FNDC1: variants seen among roughly 807,000 people sequenced by gnomAD.
FNDC1 encodes fibronectin type III domain containing 1.
In FNDC1, 96 loss-of-function variants were observed where a neutral mutation model predicts 168.0. That is an observed-to-expected ratio of 0.57 (90% CI 0.48 to 0.68). The LOEUF (loss-of-function observed/expected upper bound fraction) is 0.68, where lower values mean the gene tolerates loss of function less well. Among genes scored for constraint, FNDC1 ranks in the 30% least tolerant of loss-of-function variants. The probability of loss-of-function intolerance (pLI) is 0.00; values close to 1 mark genes in which losing one functional copy is unlikely to be tolerated. For missense variants in FNDC1, 2,587 were observed against 2,482.1 expected, an observed-to-expected ratio of 1.04 and a Z score of -0.90; for synonymous variants, 1,099 against 1,025.9, an observed-to-expected ratio of 1.07 and a Z score of -1.36.
intron 18 of FNDC1, among the ~76,000 whole-genome samples, chr6:159,257,364 A>T (rs1446628103): frequency 1.3e-5 from 2 of 152,140 alleles, no homozygotes; most frequent in Non-Finnish European, 2.9e-5. Context: ...GCATTTGCCA[A>T]TTTCTATGGT....
intron 18 of FNDC1, among the ~76,000 whole-genome samples, chr6:159,259,861 G>A (rs1269012486): frequency 2.0e-5 from 3 of 152,180 alleles, no homozygotes; most frequent in Non-Finnish European, 4.4e-5. Flanking sequence ...TTACCCAATG[G>A]CTTTTCTTTG....
Position 159,232,495 on chromosome 6 carries a change from C to T in FNDC1, c.1983C>T (p.Gly661=). 6.2e-7 allele frequency: 1 copy of T among 1,612,380 alleles called. No homozygotes were observed. The highest frequency in any genetic ancestry group is 8.5e-7 in the Non-Finnish European group (1 of 1,179,270). ...CTGTGGGCTCCCTCCACCCCAAGGG[C>T]GCCTTCGCCCAGCCCCGGCCAGCCC... ...ERAVGSLHPK[G]AFAQPRPALS... Residue 661 remains glycine, a synonymous_variant, in exon 11 of 23, where the codon GGC becomes GGT. Transcript: ENST00000297267. This position sits in a 1 kb window ranked among gnomAD's most constrained non-coding sequence, Gnocchi z 4.9.
At position 159,266,686 on chromosome 6, in the gene FNDC1, T is replaced by G. The variant is rs866931159; in HGVS notation, c.5446+441T>G. Reference sequence around the variant, plus strand: ...ATTCTATTAGAAATCTAGGGTTTTTTTTTTTTTTTTTTGCCACTAATACAA... The same window carrying G: ...ATTCTATTAGAAATCTAGGGTTTTTGTTTTTTTTTTTTGCCACTAATACAA... On this transcript the variant is annotated intron_variant, in intron 21 of 22. Transcript: ENST00000297267. Among the ~76,000 whole-genome samples the G allele has an allele frequency of 9.7e-3, 1,222 of 125,708 alleles. 11 individuals carry two copies. Among genetic ancestry groups the G allele is most frequent in the Non-Finnish European group, 0.013 (811 of 61,516 alleles). 82.5% of individuals were successfully genotyped at this position (125,708 alleles called of 152,430 possible).
At chr6:159,170,767 G>C in intron 1 of FNDC1, among the ~76,000 whole-genome samples, 1 of 152,136 alleles carries the variant, frequency 6.6e-6, no homozygotes, top group East Asian at 1.9e-4. Context: ...AGGTTTATGC[G>C]AGGTATTCTG....
In FNDC1 at chr6:159,271,479, G is replaced by A. The variant is rs773867501; in HGVS notation, c.*37G>A. ...TCATGCTGCAAGCTTGCCCTGCCCA[G>A]CCCCACCAACTAAGTCGCACTAGGG... is the stretch of plus-strand genomic sequence containing the variant. On this transcript the variant is annotated 3_prime_UTR_variant, in exon 23 of 23. Coordinates refer to ENST00000297267, the MANE Select transcript of FNDC1 (RefSeq NM_032532.3). 4 of 1,505,936 alleles carry A rather than the reference G, an allele frequency of 2.7e-6. No homozygotes were observed. In the South Asian group the frequency reaches 3.6e-5, roughly 13 times the overall value. 93.3% of individuals were successfully genotyped at this position (1,505,936 alleles called of 1,614,324 possible). A position where few individuals can be genotyped will look rare whatever the true frequency, so the allele number is the denominator to read the frequency against.
At chr6:159,269,526 C>CCATCCATCCATT (rs1777690851) in intron 22 of FNDC1, among the ~76,000 whole-genome samples, 1 of 147,470 alleles carries the variant, frequency 6.8e-6, no homozygotes, top group African/African-American at 2.5e-5. Context: ...ATCCATCCAT[C>CCATCCATCCATT]CATCCATCCA....
intron 1 of FNDC1, among the ~76,000 whole-genome samples, chr6:159,177,617 T>G (rs927556397): frequency 7.9e-5 from 12 of 152,108 alleles, no homozygotes; most frequent in Non-Finnish European, 1.6e-4. Context: ...CTGTGAAATT[T>G]ATGGGTGCTC....
Position 159,269,494 on chromosome 6 carries a change from C to CCA in FNDC1, c.5569+1568_5569+1569insCA, listed in dbSNP as rs1562316065. ...TCTATCTATCTATCTATCTATCTAT[C>CCA]TATCTATCCATCCATCCATGCATCC... On this transcript the variant is annotated intron_variant, in intron 22 of 22. Transcript: ENST00000297267. 1.7e-3 allele frequency among the ~76,000 whole-genome samples: 215 copies of CCA among 130,106 alleles called. 6 individuals are homozygous for CCA. The highest frequency in any genetic ancestry group is 4.2e-3 in the African/African-American group (130 of 30,696). The allele number at this position is 130,106 out of a possible 152,430, so 85.4% of individuals were successfully genotyped here. A position where few individuals can be genotyped will look rare whatever the true frequency, so the allele number is the denominator to read the frequency against.
intron 13 of FNDC1, 45 bp from the exon 14 acceptor site, chr6:159,239,472 G>A (rs1330022330): frequency 6.7e-7 from 1 of 1,485,674 alleles, no homozygotes. Flanking sequence ...ATTTTCTCTG[G>A]ATTGCTTCAC....
Position 159,239,772 on chromosome 6 carries a change from C to T in FNDC1, c.4436C>T (p.Thr1479Ile). 2 of 1,408,680 alleles carry T rather than the reference C, an allele frequency of 1.4e-6. No individual in the cohort carries two copies. The highest frequency in any genetic ancestry group is 1.9e-6 in the Non-Finnish European group (2 of 1,074,144). 87.3% of individuals were successfully genotyped at this position (1,408,680 alleles called of 1,614,324 possible). A position where few individuals can be genotyped will look rare whatever the true frequency, so the allele number is the denominator to read the frequency against. Reference protein sequence around the residue: ...TTATTRRTTTTRRTTTRRPTT... With the variant: ...TTATTRRTTTIRRTTTRRPTT... ...GCCACCACCCGCCGCACGACCACCA[C>T]CCGCCGCACGACCACCAGGCGTCCA... Residue 1479 changes from threonine (T) to isoleucine (I), a missense_variant, in exon 14 of 23, where the codon ACC becomes ATC. Thr to Ile is a moderately conservative substitution (Grantham distance 89). Transcript: ENST00000297267.
In FNDC1 at chr6:159,271,031, G is replaced by A. The variant is rs554849449; in HGVS notation, c.5570-296G>A. The stretch of plus-strand genomic sequence containing the variant: ...CTGGGTTCCTATGGAGGAGGCCTGA[G>A]CTGGTCCCCAGCTCCAGCATGGCCC... On this transcript the variant is annotated intron_variant, in intron 22 of 22. Transcript: ENST00000297267. Among the ~76,000 whole-genome samples, 91 of 152,200 alleles carry A rather than the reference G, an allele frequency of 6.0e-4. 1 individual carries two copies. The highest frequency in any genetic ancestry group is 1.1e-3 in the Non-Finnish European group (78 of 68,032).
At chr6:159,211,462 C>T (rs755200450) in intron 4 of FNDC1, among the ~76,000 whole-genome samples, 7 of 152,232 alleles carry the variant, frequency 4.6e-5, no homozygotes, top group Non-Finnish European at 8.8e-5. Context: ...AGATGAATAA[C>T]GCTCTTCATC....
At position 159,200,581 on chromosome 6, in the gene FNDC1, G is replaced by T; in HGVS notation, c.460G>T (p.Glu154Ter). The change falls in exon 4 of 23, where the codon GAA becomes TAA. Residue 154 changes from glutamate to a stop codon, truncating the protein, a stop_gained and splice_region_variant. Coordinates refer to ENST00000297267, the MANE Select transcript of FNDC1 (RefSeq NM_032532.3). LOFTEE classifies it high-confidence loss of function. ...GPGPFNETVT[E>*]KEVPNKPLRV... is the part of the protein sequence containing the mutation. ...AGGACCATTTAATGAAACCGTCACA[G>T]GTACTACTTCCTCCTTCATGTCAGA... The T allele has an allele frequency of 6.3e-7, 1 of 1,587,332 alleles. No individual in the cohort carries two copies. Among genetic ancestry groups the T allele is most frequent in the Non-Finnish European group, 8.6e-7 (1 of 1,165,030 alleles).
intron 18 of FNDC1, among the ~76,000 whole-genome samples, chr6:159,258,353 A>G (rs541783605): frequency 1.3e-5 from 2 of 152,278 alleles, no homozygotes; most frequent in East Asian, 1.9e-4. Flanking sequence ...CAAGTACATC[A>G]TGCTTTGAGA....
At position 159,249,191 on chromosome 6, in the gene FNDC1, A is replaced by T; in HGVS notation, c.4834+9A>T. 6.2e-7 allele frequency: 1 copy of T among 1,605,660 alleles called. No homozygotes were observed. The highest frequency in any genetic ancestry group is 8.5e-7 in the Non-Finnish European group (1 of 1,176,596). On this transcript the variant is annotated intron_variant, in intron 16 of 22. Coordinates refer to ENST00000297267, the MANE Select transcript of FNDC1 (RefSeq NM_032532.3). Reference sequence around the variant, plus strand: ...AAGGAAACGATTTGTTGGTAAATATAATGTCCTTAATCAGAGAAACATGGG... The same window carrying T: ...AAGGAAACGATTTGTTGGTAAATATTATGTCCTTAATCAGAGAAACATGGG...
Position 159,232,893 on chromosome 6 carries a change from G to C in FNDC1, c.2381G>C (p.Arg794Thr). 1 of 1,612,976 alleles carries C rather than the reference G, an allele frequency of 6.2e-7. No individual in the cohort carries two copies. Among genetic ancestry groups the C allele is most frequent in the Admixed American group, 1.7e-5 (1 of 60,004 alleles). The change falls in exon 11 of 23, where the codon AGG becomes ACG. Residue 794 changes from arginine (R) to threonine (T), a missense_variant. Coordinates refer to ENST00000297267, the MANE Select transcript of FNDC1 (RefSeq NM_032532.3). The surrounding 1 kb of genome is among the most constrained non-coding windows in gnomAD (Gnocchi z 4.9). Reference protein sequence around the residue: ...SDGESHGDGDREDGGRQAEAT... With the variant: ...SDGESHGDGDTEDGGRQAEAT... ...GGTGAAAGCCACGGTGACGGCGATA[G>C]GGAAGACGGCGGAAGGCAGGCGGAG...
At chr6:159,170,884 A>T (rs1172540663) in intron 1 of FNDC1, among the ~76,000 whole-genome samples, 1 of 152,168 alleles carries the variant, frequency 6.6e-6, no homozygotes, top group East Asian at 1.9e-4. Context: ...ACAGTACTTG[A>T]GAGGAATAAA....
In FNDC1 at chr6:159,239,892, G is replaced by A. The variant is rs534981015; in HGVS notation, c.4556G>A (p.Arg1519Gln). 1.1e-5 allele frequency: 17 copies of A among 1,534,736 alleles called. No individual in the cohort carries two copies. The highest frequency in any genetic ancestry group is 4.1e-5 in the Admixed American group (2 of 48,950). The change falls in exon 14 of 23, where the codon CGG becomes CAG. Residue 1519 changes from arginine (R) to glutamine (Q), a missense_variant. Transcript: ENST00000297267. ...ACCTGTCCCCCTGGGACCTTGGAAC[G>A]GCACGACGATGATGGCAACCTGATA... Reference protein sequence around the residue: ...IPTCPPGTLERHDDDGNLIMS... With the variant: ...IPTCPPGTLEQHDDDGNLIMS...
At chr6:159,265,034 T>G (rs756932622) in intron 20 of FNDC1, 30 bp downstream of exon 20, 16 of 1,577,102 alleles carry the variant, frequency 1.0e-5, no homozygotes, top group Non-Finnish European at 1.4e-5. Flanking sequence ...AATCTGGACA[T>G]TCTGGTAATC....
Sources: gnomAD v4.1 joint callset for allele counts (sites outside exome capture counted in the v4.1 genomes callset) on GRCh38, gnomAD v4.1.1 for gene constraint, Gnocchi (gnomAD v3.1) non-coding constraint, MANE v1.5 for transcripts, NCBI Gene and HGNC (gene_info 2026-07-23, HGNC 2026-07-21) for gene names.